The following IL2 variants were observed in gnomAD, a reference collection of about 807,000 sequenced individuals.
IL2 encodes interleukin 2, also known as interleukin-2.
IL2 carries 3 observed loss-of-function variants against 14.6 expected under a neutral mutation model. The ratio of observed to expected loss-of-function variants is 0.21; its 90% CI spans 0.09 to 0.53. IL2 has a LOEUF of 0.53. IL2 is among the 20% of genes least tolerant of loss of function. The probability of loss-of-function intolerance (pLI) is 0.95; values close to 1 mark genes in which losing one functional copy is unlikely to be tolerated. For missense variants in IL2, 125 were observed against 170.8 expected (o/e 0.73, Z 1.50); for synonymous variants, 71 against 60.0 (o/e 1.18, Z -0.85).
intron 3 of IL2, 108 bp from the exon 4 acceptor site, chr4:122,451,970 C>T: frequency 2.4e-6 from 1 of 410,096 alleles, no homozygotes; most frequent in Non-Finnish European, 4.4e-6. Flanking sequence ...TCAAGCTTAC[C>T]AAACATATTA....
rs1460798499 is a variant in IL2, at chr4:122,451,805, A to G, written c.409T>C (p.Phe137Leu). 6.3e-7 allele frequency: 1 copy of G among 1,596,388 alleles called. No individual in the cohort carries two copies. The highest frequency in any genetic ancestry group is 8.5e-7 in the Non-Finnish European group (1 of 1,170,190). ...YADETATIVE[F>L]LNRWITFCQS... ...CAAAAGGTAATCCATCTGTTCAGAA[A>G]TTCTACAATGGTTGCTGTCTCATCA... Residue 137 changes from phenylalanine (F) to leucine (L), a missense_variant, in exon 4 of 4, where the codon TTT becomes CTT. Transcript: ENST00000226730.
At chr4:122,455,484 A>G (rs1797720065) in intron 2 of IL2, among the ~76,000 whole-genome samples, 2 of 151,984 alleles carry the variant, frequency 1.3e-5, no homozygotes, top group Non-Finnish European at 2.9e-5. Flanking sequence ...TTTATCTTTA[A>G]TACTACTAAT....
rs202027273 is a variant in IL2, at chr4:122,456,191, G to A, written c.160C>T (p.Pro54Ser). 6.2e-7 allele frequency: 1 copy of A among 1,608,918 alleles called. No individual in the cohort carries two copies. Among genetic ancestry groups the A allele is most frequent in the East Asian group, 2.2e-5 (1 of 44,770 alleles). The part of the protein sequence containing the change: ...ILNGINNYKN[P>S]KLTRMLTFKF... Reference sequence around the variant, plus strand: ...AATGTGAGCATCCTGGTGAGTTTGGGATTCTTGTAATTCTAAGAAAGTATA... The same window carrying A: ...AATGTGAGCATCCTGGTGAGTTTGGAATTCTTGTAATTCTAAGAAAGTATA... Residue 54 changes from proline (P) to serine (S), a missense_variant, in exon 2 of 4, where the codon CCC becomes TCC. Coordinates refer to ENST00000226730, the MANE Select transcript of IL2 (RefSeq NM_000586.4).
At chr4:122,454,502 A>G (rs1560620584) in intron 2 of IL2, among the ~76,000 whole-genome samples, 3 of 151,720 alleles carry the variant, frequency 2.0e-5, no homozygotes, top group South Asian at 2.1e-4. Context: ...TTGATTCTAT[A>G]TTATATATAA....
chr4:122,456,574 A>G lies in IL2; in HGVS notation c.-134T>C. On this transcript the variant is annotated 5_prime_UTR_variant, in exon 1 of 4. An upstream start codon of the reference 5' UTR is lost. Coordinates refer to ENST00000226730, the MANE Select transcript of IL2 (RefSeq NM_000586.4). ...TGTCAAAATGTTTTACATATTACACATATTTTCAAAGACTTTACCTGTCTG... is the reference window on the plus strand; with the variant it reads ...TGTCAAAATGTTTTACATATTACACGTATTTTCAAAGACTTTACCTGTCTG... 1 of 637,030 alleles carries G rather than the reference A, an allele frequency of 1.6e-6. No homozygotes were observed. Among genetic ancestry groups the G allele is most frequent in the Non-Finnish European group, 2.6e-6 (1 of 377,872 alleles). The allele number at this position is 637,030 out of a possible 1,614,324, so 39.5% of individuals were successfully genotyped here.
In IL2 at chr4:122,456,153, C is replaced by T; in HGVS notation, c.198G>A (p.Met66Ile). The T allele has an allele frequency of 6.2e-7, 1 of 1,601,144 alleles. No homozygotes were observed. Among genetic ancestry groups the T allele is most frequent in the Non-Finnish European group, 8.6e-7 (1 of 1,169,578 alleles). The change falls in exon 2 of 4, where the codon ATG becomes ATA. Residue 66 changes from methionine (M) to isoleucine (I), a missense_variant. Coordinates refer to ENST00000226730, the MANE Select transcript of IL2 (RefSeq NM_000586.4). ...AAAATATTGTACTTACCTTCTTGGG[C>T]ATGTAAAACTTAAATGTGAGCATCC... The part of the protein sequence containing the change: ...LTRMLTFKFY[M>I]PKKATELKHL...
At position 122,453,868 on chromosome 4, in the gene IL2, A is replaced by G; in HGVS notation, c.208-15T>C. Reference sequence around the variant, plus strand: ...AGTTCTGTGGCCTAGAATAATAATTATCATCAGCTCAGTTTACATAGAGGT... The same window carrying G: ...AGTTCTGTGGCCTAGAATAATAATTGTCATCAGCTCAGTTTACATAGAGGT... On this transcript the variant is annotated splice_polypyrimidine_tract_variant and intron_variant, in intron 2 of 3. Transcript: ENST00000226730. 6.3e-7 allele frequency: 1 copy of G among 1,598,348 alleles called. No homozygotes were observed. Among genetic ancestry groups the G allele is most frequent in the Non-Finnish European group, 8.5e-7 (1 of 1,173,480 alleles).
In IL2 at chr4:122,456,427, T is replaced by C; in HGVS notation, c.14A>G (p.Gln5Arg). MYRM[Q>R]LLSCIALSLA... ...ACTTAGTGCAATGCAAGACAGGAGT[T>C]GCATCCTGTACATTGTGGCAGGAGT... Residue 5 changes from glutamine to arginine, a missense_variant, in exon 1 of 4, where the codon CAA becomes CGA. Gln to Arg is a conservative substitution (Grantham distance 43). Transcript: ENST00000226730. The C allele has an allele frequency of 1.2e-6, 2 of 1,611,202 alleles. No individual in the cohort carries two copies. Among genetic ancestry groups the C allele is most frequent in the Non-Finnish European group, 1.7e-6 (2 of 1,178,126 alleles).
intron 3 of IL2, among the ~76,000 whole-genome samples, chr4:122,453,297 A>G (rs1797694198): frequency 6.6e-6 from 1 of 151,676 alleles, no homozygotes; most frequent in South Asian, 2.1e-4. Flanking sequence ...TAGTCCTTCC[A>G]TCAAATGATA....
chr4:122,453,927 T>C, intron 2 of IL2, 74 bp from the exon 3 acceptor site: 1 of 1,329,834 alleles, frequency 7.5e-7, no homozygotes, highest in Non-Finnish European at 1.0e-6. Flanking sequence ...TTTATTTTAT[T>C]TGGAGTAGCA....
At chr4:122,452,315 A>T (rs1797685027) in intron 3 of IL2, among the ~76,000 whole-genome samples, 2 of 152,068 alleles carry the variant, frequency 1.3e-5, no homozygotes, top group African/African-American at 4.8e-5. Context: ...TACTTAAGTG[A>T]ATCTCCTTAT....
chr4:122,451,500 T>C lies in IL2; in HGVS notation c.*252A>G, dbSNP rs1451151734. 4.6e-6 allele frequency: 1 copy of C among 219,142 alleles called. No individual in the cohort carries two copies. The highest frequency in any genetic ancestry group is 9.0e-6 in the Non-Finnish European group (1 of 111,218). The allele number at this position is 219,142 out of a possible 1,614,324, so 13.6% of individuals were successfully genotyped here. The stretch of plus-strand genomic sequence containing the variant: ...ATTTATCAAATTTATTAAATAGTTT[T>C]ACTAACCAATCTACATAGATACTAT... On this transcript the variant is annotated 3_prime_UTR_variant, in exon 4 of 4. Coordinates refer to ENST00000226730, the MANE Select transcript of IL2 (RefSeq NM_000586.4).
At chr4:122,452,096 A>G (rs1580833596) in intron 3 of IL2, among the ~76,000 whole-genome samples, 1 of 152,144 alleles carries the variant, frequency 6.6e-6, no homozygotes, top group Non-Finnish European at 1.5e-5. Flanking sequence ...AATTCAGTCA[A>G]TGAACACAAA....
At chr4:122,455,305 T>A (rs1239390663) in intron 2 of IL2, among the ~76,000 whole-genome samples, 1 of 151,876 alleles carries the variant, frequency 6.6e-6, no homozygotes, top group Admixed American at 6.6e-5. Flanking sequence ...TTTACACACC[T>A]AATGTAGCCT....
intron 3 of IL2, among the ~76,000 whole-genome samples, chr4:122,452,320 C>A (rs1460274905): frequency 1.3e-5 from 2 of 151,962 alleles, no homozygotes; most frequent in African/African-American, 4.8e-5. Flanking sequence ...AAGTGAATCT[C>A]CTTATATTTT....
intron 2 of IL2, 74 bp downstream of exon 2, chr4:122,456,070 T>G (rs1797727209): frequency 9.3e-6 from 10 of 1,074,352 alleles, no homozygotes; most frequent in Non-Finnish European, 1.1e-5. Context: ...CTGCTATTAG[T>G]CCCATCTGTG....
At chr4:122,451,908 C>G (rs1330351853) in intron 3 of IL2, 46 bp from the exon 4 acceptor site, 2 of 902,100 alleles carry the variant, frequency 2.2e-6, no homozygotes, top group African/African-American at 1.7e-5. Flanking sequence ...AGTAGTTTAC[C>G]TTATATACAG....
intron 2 of IL2, 61 bp downstream of exon 2, chr4:122,456,083 A>T (rs1797727421): frequency 2.3e-6 from 3 of 1,308,112 alleles, no homozygotes; most frequent in Non-Finnish European, 3.3e-6. Flanking sequence ...CATCTGTGCA[A>T]ATTTTCATAT....
At chr4:122,453,985 T>C (rs963499374) in intron 2 of IL2, 132 bp from the exon 3 acceptor site, 30 of 754,172 alleles carry the variant, frequency 4.0e-5, no homozygotes, top group Non-Finnish European at 6.0e-5. Flanking sequence ...ACTGTAAAGA[T>C]GGACCAGTAG....
Sources: allele counts gnomAD v4.1 joint callset (sites outside exome capture counted in the v4.1 genomes callset), GRCh38; gene constraint gnomAD v4.1.1; transcripts MANE v1.5; gene names NCBI Gene and HGNC (gene_info 2026-07-23, HGNC 2026-07-21).